CADPS2: variants seen among roughly 807,000 people sequenced by gnomAD.
CADPS2 encodes calcium-dependent secretion activator 2.
In CADPS2, 93 loss-of-function variants were observed where a neutral mutation model predicts 172.5. That is an observed-to-expected ratio of 0.54 (90% CI 0.46 to 0.64). The LOEUF (loss-of-function observed/expected upper bound fraction) is 0.64, where lower values mean the gene tolerates loss of function less well. CADPS2 is among the 30% of genes least tolerant of loss of function. The probability of loss-of-function intolerance (pLI) is 0.00; values close to 1 mark genes in which losing one functional copy is unlikely to be tolerated. For synonymous variants in CADPS2, 546 were observed against 555.2 expected, an observed-to-expected ratio of 0.98 and a Z score of 0.23; for missense variants, 1,420 against 1,565.9, an observed-to-expected ratio of 0.91 and a Z score of 1.57.
At chr7:122,410,336 A>G (rs1414831475) in intron 19 of CADPS2, among the ~76,000 whole-genome samples, 1 of 152,134 alleles carries the variant, frequency 6.6e-6, no homozygotes, top group Admixed American at 6.5e-5. Flanking sequence ...AGAGCGAGAC[A>G]CTGTCTTAAA....
intron 1 of CADPS2, among the ~76,000 whole-genome samples, chr7:122,761,981 A>G (rs1589046865): frequency 7.0e-6 from 1 of 142,724 alleles, no homozygotes; most frequent in South Asian, 2.2e-4. Context: ...CTGGGTGAAA[A>G]GTGAGACTCT....
At chr7:122,690,601 T>C (rs1281089530) in intron 2 of CADPS2, among the ~76,000 whole-genome samples, 1 of 152,170 alleles carries the variant, frequency 6.6e-6, no homozygotes, top group Non-Finnish European at 1.5e-5. Context: ...ACAGATTATC[T>C]CTCATCCTCG....
At chr7:122,657,794 C>G (rs1224809613) in intron 3 of CADPS2, among the ~76,000 whole-genome samples, 13 of 152,044 alleles carry the variant, frequency 8.6e-5, no homozygotes, top group Admixed American at 2.6e-4. Flanking sequence ...AATTGAATAC[C>G]CTTTCTTTCT....
intron 2 of CADPS2, among the ~76,000 whole-genome samples, chr7:122,733,674 C>G (rs531354695): frequency 6.6e-6 from 1 of 152,106 alleles, no homozygotes; most frequent in South Asian, 2.1e-4. Flanking sequence ...TTCAGGAACT[C>G]ACCTGAACCC....
rs1438687996 is a variant in CADPS2, at chr7:122,510,219, C to T, written c.1542+3030G>A. On this transcript the variant is annotated intron_variant, in intron 9 of 29. Transcript: ENST00000449022. The stretch of plus-strand genomic sequence containing the variant: ...CTGGTAGTATTTCAAGCATATTCTT[C>T]GAAATCACTGTTCTTTCAATTTGGC... 3.9e-5 allele frequency among the ~76,000 whole-genome samples: 6 copies of T among 152,156 alleles called. No individual in the cohort carries two copies. In the East Asian group the frequency reaches 5.8e-4, roughly 15 times the overall value.
chr7:122,740,632 TA>T (rs1052871838), intron 1 of CADPS2, among the ~76,000 whole-genome samples: 2 of 152,060 alleles, frequency 1.3e-5, no homozygotes, highest in African/African-American at 2.4e-5. Context: ...TAAAATTTCA[TA>T]AAAAAATAAA....
intron 28 of CADPS2, among the ~76,000 whole-genome samples, chr7:122,335,764 A>G (rs144765712): frequency 2.6e-5 from 4 of 152,226 alleles, no homozygotes; most frequent in Non-Finnish European, 5.9e-5. Context: ...AGGGCTAGAA[A>G]AAAAGGCCTA....
At chr7:122,604,344 A>G (rs2073207642) in intron 6 of CADPS2, among the ~76,000 whole-genome samples, 1 of 152,040 alleles carries the variant, frequency 6.6e-6, no homozygotes, top group Non-Finnish European at 1.5e-5. Flanking sequence ...AACACTCTCA[A>G]GTAGTTATTA....
At chr7:122,399,582 C>T (rs2045617542) in intron 20 of CADPS2, among the ~76,000 whole-genome samples, 2 of 148,932 alleles carry the variant, frequency 1.3e-5, no homozygotes, top group Admixed American at 1.3e-4. Context: ...GAGTTAATGT[C>T]CCACAATACT....
intron 1 of CADPS2, among the ~76,000 whole-genome samples, chr7:122,752,698 T>C (rs528444444): frequency 2.0e-5 from 3 of 152,232 alleles, no homozygotes; most frequent in South Asian, 2.1e-4. Context: ...CTTTCAGTTA[T>C]GGTATTGTCT....
intron 2 of CADPS2, chr7:122,701,621 TA>T (rs201297535): frequency 5.2e-5 from 19 of 366,492 alleles, no homozygotes; most frequent in East Asian, 2.1e-4. Context: ...AAAATTCACC[TA>T]AAAAAACAAT....
chr7:122,592,120 A>T (rs971570500), intron 6 of CADPS2, among the ~76,000 whole-genome samples: 2 of 152,038 alleles, frequency 1.3e-5, no homozygotes, highest in African/African-American at 2.4e-5. Flanking sequence ...GAATCTACAA[A>T]GAACTCAAAC....
intron 19 of CADPS2, among the ~76,000 whole-genome samples, chr7:122,411,633 C>T (rs1315028661): frequency 1.3e-5 from 2 of 152,182 alleles, no homozygotes; most frequent in African/African-American, 2.4e-5. Context: ...CATTTTGTGC[C>T]TATTTATTCC....
chr7:122,558,828 A>G (rs1170773060), intron 7 of CADPS2, among the ~76,000 whole-genome samples: 1 of 151,856 alleles, frequency 6.6e-6, no homozygotes, highest in East Asian at 1.9e-4. Flanking sequence ...ACATTTGTGC[A>G]TAAACTCTGT....
intron 7 of CADPS2, among the ~76,000 whole-genome samples, chr7:122,570,749 T>C (rs1450998269): frequency 6.6e-6 from 1 of 151,924 alleles, no homozygotes; most frequent in Non-Finnish European, 1.5e-5. Context: ...TGGATGAAAT[T>C]GGAAATCATC....
At position 122,320,051 on chromosome 7, in the gene CADPS2, C is replaced by T; in HGVS notation, c.*114G>A. On this transcript the variant is annotated 3_prime_UTR_variant, in exon 30 of 30. Coordinates refer to ENST00000449022, the MANE Select transcript of CADPS2 (RefSeq NM_017954.11). ...TTCAGGCTTACTTTTTAAAGAAATA[C>T]AAGCATTTTTATTTGGCCAAAACAA... 9.3e-7 allele frequency: 1 copy of T among 1,074,610 alleles called. No individual in the cohort carries two copies. The allele number at this position is 1,074,610 out of a possible 1,614,324, so 66.6% of individuals were successfully genotyped here.
chr7:122,690,534 C>T (rs183006183), intron 2 of CADPS2, among the ~76,000 whole-genome samples: 2 of 152,284 alleles, frequency 1.3e-5, no homozygotes, highest in Admixed American at 6.5e-5. Context: ...CTTGGAGGGT[C>T]CATGGCTGAC....
At chr7:122,378,091 CTA>C (rs2042564051) in intron 25 of CADPS2, among the ~76,000 whole-genome samples, 1 of 152,114 alleles carries the variant, frequency 6.6e-6, no homozygotes, top group African/African-American at 2.4e-5. Flanking sequence ...TCACTTAATA[CTA>C]TATTACGAAA....
chr7:122,612,870 A>G (rs888682517), intron 6 of CADPS2, among the ~76,000 whole-genome samples: 2 of 152,170 alleles, frequency 1.3e-5, no homozygotes, highest in Non-Finnish European at 2.9e-5. Context: ...AACAGAATTG[A>G]GAGTCCAGAA....
Sources: gnomAD v4.1 joint callset for allele counts (sites outside exome capture counted in the v4.1 genomes callset) on GRCh38, gnomAD v4.1.1 for gene constraint, MANE v1.5 for transcripts, NCBI Gene and HGNC (gene_info 2026-07-23, HGNC 2026-07-21) for gene names.